Variants in DNAH8 observed in about 807,000 individuals in gnomAD.
The protein encoded by DNAH8 is axonemal beta dynein heavy chain 8.
DNAH8 carries 382 observed loss-of-function variants against 562.1 expected under a neutral mutation model. The observed-to-expected ratio is 0.68, with a 90% confidence interval of 0.63 to 0.74. The LOEUF (loss-of-function observed/expected upper bound fraction) is 0.74, where lower values mean the gene tolerates loss of function less well. Ranked by LOEUF, DNAH8 falls within the 30% of genes least tolerant of loss-of-function variation. The pLI is 0.00. For missense variants in DNAH8, 5,203 were observed against 5,620.4 expected, an observed-to-expected ratio of 0.93 and a Z score of 2.37; for synonymous variants, 1,881 against 1,919.4, an observed-to-expected ratio of 0.98 and a Z score of 0.52.
At chr6:38,897,088 A>T (rs1779750183) in intron 60 of DNAH8, among the ~76,000 whole-genome samples, 1 of 152,034 alleles carries the variant, frequency 6.6e-6, no homozygotes, top group African/African-American at 2.4e-5. Context: ...CTGGTTTTGA[A>T]CTTCTGACCT....
chr6:38,868,146 G>A lies in DNAH8; in HGVS notation c.6778G>A (p.Glu2260Lys), dbSNP rs1018899864. The A allele has an allele frequency of 2.2e-5, 36 of 1,613,716 alleles. No individual in the cohort carries two copies. The highest frequency in any genetic ancestry group is 2.8e-5 in the Non-Finnish European group (33 of 1,179,818). Reference sequence around the variant, plus strand: ...AAAAAGAGCCAGACCAGAAGATAGTGAATTAAGCATTGTCATGAGAGGACT... The same window carrying A: ...AAAAAGAGCCAGACCAGAAGATAGTAAATTAAGCATTGTCATGAGAGGACT... ...SQKRARPEDS[E>K]LSIVMRGLRD... The change falls in exon 48 of 93, where the codon GAA becomes AAA. Residue 2260 changes from glutamate to lysine, a missense_variant. Glu to Lys is a moderately conservative substitution (Grantham distance 56). This residue lies in a region of DNAH8 where 2,176 missense variants were observed against 2,365.1 expected (regional missense o/e 0.92). Transcript: ENST00000327475.
At position 38,862,406 on chromosome 6, in the gene DNAH8, G is replaced by T; in HGVS notation, c.6258G>T (p.Val2086=). 6.2e-7 allele frequency: 1 copy of T among 1,614,128 alleles called. No individual in the cohort carries two copies. Among genetic ancestry groups the T allele is most frequent in the South Asian group, 1.1e-5 (1 of 91,078 alleles). The change falls in exon 44 of 93, where the codon GTG becomes GTT. Residue 2086 remains valine, a synonymous_variant. Coordinates refer to ENST00000327475, the MANE Select transcript of DNAH8 (RefSeq NM_001206927.2). ...MGRCLGKYVV[V]FNCSDQMDFR... ...GGTGTTTGGGAAAATATGTGGTCGT[G>T]TTCAATTGCTCAGATCAAATGGATT... is the stretch of plus-strand genomic sequence containing the variant.
chr6:38,807,089 C>G (rs1771348109), intron 23 of DNAH8, among the ~76,000 whole-genome samples: 1 of 152,196 alleles, frequency 6.6e-6, no homozygotes, highest in Admixed American at 6.5e-5. Flanking sequence ...ATAAACTTGG[C>G]TACTTCTCCC....
chr6:38,790,389 A>G lies in DNAH8; in HGVS notation c.2765A>G (p.Asn922Ser). ...GTCGAATTAGTTTTGGATATGTTCA[A>G]TCAACTTTTAAAGAAGGTATGATCT... ...QEVELVLDMF[N>S]QLLKKISDLC... Residue 922 changes from asparagine (N) to serine (S), a missense_variant, in exon 20 of 93, where the codon AAT becomes AGT. Physicochemically the swap from Asn to Ser is conservative, Grantham distance 46. Coordinates refer to ENST00000327475, the MANE Select transcript of DNAH8 (RefSeq NM_001206927.2). 6.4e-7 allele frequency: 1 copy of G among 1,562,582 alleles called. No individual in the cohort carries two copies. Among genetic ancestry groups the G allele is most frequent in the Non-Finnish European group, 8.8e-7 (1 of 1,140,212 alleles).
chr6:38,722,572 AGGTGGGTGGG>A (rs1762837841), intron 1 of DNAH8, among the ~76,000 whole-genome samples, 194 bp from the exon 2 acceptor site: 2 of 126,648 alleles, frequency 1.6e-5, no homozygotes, highest in Admixed American at 1.6e-4. Context: ...AAAAGCTCCC[AGGTGGGTGGG>A]GGTGTGTGTG....
In DNAH8 at chr6:38,722,933, C is replaced by G; in HGVS notation, c.124C>G (p.Pro42Ala). The change falls in exon 2 of 93, where the codon CCG becomes GCG. Residue 42 changes from proline (P) to alanine (A), a missense_variant. Transcript: ENST00000327475. Reference protein sequence around the residue: ...EAPRPPTVEAPAEDGFSPSAE... With the variant: ...EAPRPPTVEAAAEDGFSPSAE... The stretch of plus-strand genomic sequence containing the variant: ...CCCGCGCCCTCCGACAGTGGAGGCC[C>G]CGGCAGAAGATGGTTTCTCTCCTTC... 1 of 1,612,516 alleles carries G rather than the reference C, an allele frequency of 6.2e-7. No homozygotes were observed. The highest frequency in any genetic ancestry group is 8.5e-7 in the Non-Finnish European group (1 of 1,179,662).
At chr6:39,019,045 TTTTC>T (rs1396521351) in intron 91 of DNAH8, among the ~76,000 whole-genome samples, 1 of 151,966 alleles carries the variant, frequency 6.6e-6, no homozygotes, top group Non-Finnish European at 1.5e-5. Context: ...GAATAAAAAG[TTTTC>T]TTTCTTTCTC....
Position 38,862,582 on chromosome 6 carries a change from G to T in DNAH8, c.6310+124G>T, listed in dbSNP as rs150731984. On this transcript the variant is annotated intron_variant, in intron 44 of 92. Transcript: ENST00000327475. ...AATCTACATTAGTATGGGTTGATCCGTATGATATTGCCATTTTTCTAGGTC... is the reference window on the plus strand; with the variant it reads ...AATCTACATTAGTATGGGTTGATCCTTATGATATTGCCATTTTTCTAGGTC... 6.7e-4 allele frequency: 754 copies of T among 1,127,534 alleles called. 6 individuals are homozygous for T. The African/African-American group carries it at 0.011, about 16-fold the overall frequency. 69.8% of individuals were successfully genotyped at this position (1,127,534 alleles called of 1,614,324 possible).
intron 9 of DNAH8, among the ~76,000 whole-genome samples, chr6:38,755,402 T>A (rs911936128): frequency 6.6e-6 from 1 of 152,188 alleles, no homozygotes; most frequent in Non-Finnish European, 1.5e-5. Flanking sequence ...TTGTTTTACT[T>A]GTTTGTGTTT....
At chr6:38,996,917 G>C (rs1358646214) in intron 88 of DNAH8, among the ~76,000 whole-genome samples, 1 of 152,014 alleles carries the variant, frequency 6.6e-6, no homozygotes, top group Non-Finnish European at 1.5e-5. Context: ...TCAGGATCTT[G>C]CAACCTTTCA....
chr6:38,800,126 T>TA (rs34105566), intron 21 of DNAH8, among the ~76,000 whole-genome samples: 24,181 of 152,166 alleles, frequency 0.16, 2,094 homozygotes, highest in East Asian at 0.3. Flanking sequence ...TGCCACATTT[T>TA]ATCTATCCAT....
At position 38,758,894 on chromosome 6, in the gene DNAH8, G is replaced by A. The variant is rs1370120058; in HGVS notation, c.1516-2808G>A. Among the ~76,000 whole-genome samples the A allele has an allele frequency of 2.0e-5, 3 of 152,128 alleles. No individual in the cohort carries two copies. The East Asian group carries it at 5.8e-4, about 29-fold the overall frequency. On this transcript the variant is annotated intron_variant, in intron 10 of 92. Coordinates refer to ENST00000327475, the MANE Select transcript of DNAH8 (RefSeq NM_001206927.2). ...GGGATGAAGCCCACTTGATCATGGT[G>A]GATAAGCTTTTTGATGTGCTGCTGG...
intron 30 of DNAH8, among the ~76,000 whole-genome samples, chr6:38,830,755 T>C (rs1773770533): frequency 1.3e-5 from 2 of 151,496 alleles, no homozygotes; most frequent in Non-Finnish European, 2.9e-5. Context: ...TTTATGGAAA[T>C]ATTTGTCACT....
chr6:39,023,354 A>G (rs141337756), intron 91 of DNAH8, among the ~76,000 whole-genome samples: 14,901 of 152,104 alleles, frequency 0.098, 863 homozygotes, highest in Admixed American at 0.19. Flanking sequence ...TTAGCTGGGC[A>G]TGGTGGCAGG....
At chr6:38,753,740 GT>G (rs1284870378) in intron 9 of DNAH8, among the ~76,000 whole-genome samples, 1 of 151,962 alleles carries the variant, frequency 6.6e-6, no homozygotes, top group African/African-American at 2.4e-5. Flanking sequence ...TAGTTCTGAT[GT>G]TTTTTTCATC....
intron 52 of DNAH8, among the ~76,000 whole-genome samples, chr6:38,874,947 G>A (rs929056229): frequency 2.6e-5 from 4 of 152,198 alleles, no homozygotes; most frequent in Non-Finnish European, 5.9e-5. Context: ...GACCGAGGAT[G>A]TCCTACTGTA....
At chr6:38,780,668 C>T (rs1768493182) in intron 15 of DNAH8, among the ~76,000 whole-genome samples, 1 of 152,086 alleles carries the variant, frequency 6.6e-6, no homozygotes, top group South Asian at 2.1e-4. Context: ...AAGAAGGGAA[C>T]AGTAGACACT....
At chr6:38,718,402 G>C (rs1455776275) in intron 1 of DNAH8, among the ~76,000 whole-genome samples, 1 of 151,904 alleles carries the variant, frequency 6.6e-6, no homozygotes. Context: ...AAGTTGATAA[G>C]TTGATCTTTT....
In DNAH8 at chr6:38,890,961, A is replaced by G. The variant is rs370448008; in HGVS notation, c.8583+200A>G. 2.6e-5 allele frequency among the ~76,000 whole-genome samples: 4 copies of G among 152,332 alleles called. No individual in the cohort carries two copies. In the East Asian group the frequency reaches 7.7e-4, roughly 29 times the overall value. ...TGACTAAATGATGCTTTCCGTATGT[A>G]TGAGATGTTACTGTAAACCAGACAT... On this transcript the variant is annotated intron_variant, in intron 58 of 92. Coordinates refer to ENST00000327475, the MANE Select transcript of DNAH8 (RefSeq NM_001206927.2).
Sources: gnomAD v4.1 joint callset for allele counts (sites outside exome capture counted in the v4.1 genomes callset) on GRCh38, gnomAD v4.1.1 for gene constraint, gnomAD v4.1.1 regional missense constraint, MANE v1.5 for transcripts, NCBI Gene and HGNC (gene_info 2026-07-23, HGNC 2026-07-21) for gene names.